EFCAB5: variants seen among roughly 807,000 people sequenced by gnomAD.
EFCAB5 encodes the protein EF-hand calcium binding domain 5.
EFCAB5 carries 131 observed loss-of-function variants against 167.9 expected under a neutral mutation model. The observed-to-expected ratio is 0.78, with a 90% CI of 0.68 to 0.90. The LOEUF (loss-of-function observed/expected upper bound fraction) is 0.90. Among genes scored for constraint, EFCAB5 ranks in the 40% least tolerant of loss-of-function variants. The pLI is 0.00. For synonymous variants in EFCAB5, 574 were observed against 602.8 expected (o/e 0.95, Z 0.70); for missense variants, 1,663 against 1,745.2 (o/e 0.95, Z 0.84).
At chr17:29,950,900 A>G (rs1314127329) in intron 3 of EFCAB5, among the ~76,000 whole-genome samples, 1 of 152,206 alleles carries the variant, frequency 6.6e-6, no homozygotes, top group African/African-American at 2.4e-5. Context: ...TACATTGTTC[A>G]AGGGTCAACT....
At chr17:29,966,158 G>C (rs2067822918) in intron 3 of EFCAB5, among the ~76,000 whole-genome samples, 1 of 152,134 alleles carries the variant, frequency 6.6e-6, no homozygotes, top group South Asian at 2.1e-4. Flanking sequence ...CATTACCACT[G>C]TCTAGTTCCA....
intron 2 of EFCAB5, among the ~76,000 whole-genome samples, chr17:29,942,800 G>A (rs2067319158): frequency 6.6e-6 from 1 of 152,118 alleles, no homozygotes; most frequent in South Asian, 2.1e-4. Context: ...CCAGCACTCT[G>A]GGAGACCGAG....
intron 1 of EFCAB5, among the ~76,000 whole-genome samples, chr17:29,933,003 C>T (rs377689550): frequency 2.0e-5 from 3 of 152,210 alleles, no homozygotes; most frequent in East Asian, 3.9e-4. Context: ...GGTGCATGTT[C>T]ATTAATTTAT....
chr17:29,933,194 G>A (rs1269126784), intron 1 of EFCAB5, among the ~76,000 whole-genome samples: 1 of 152,162 alleles, frequency 6.6e-6, no homozygotes, highest in Non-Finnish European at 1.5e-5. Context: ...TCGGCTAGGC[G>A]CGAAAGGAGG....
chr17:29,948,081 C>T (rs1023508717), intron 3 of EFCAB5, among the ~76,000 whole-genome samples: 3 of 152,208 alleles, frequency 2.0e-5, no homozygotes, highest in African/African-American at 7.2e-5. Context: ...CCACCTCGGC[C>T]TCCCAAAGTG....
intron 4 of EFCAB5, among the ~76,000 whole-genome samples, chr17:29,982,311 C>A (rs62070295): frequency 1.3e-5 from 2 of 152,026 alleles, no homozygotes; most frequent in African/African-American, 2.4e-5. Flanking sequence ...GCAGAAGAAT[C>A]GCTTGAACCT....
chr17:30,015,646 C>T (rs188773300), intron 7 of EFCAB5, among the ~76,000 whole-genome samples: 1 of 152,218 alleles, frequency 6.6e-6, no homozygotes, highest in East Asian at 1.9e-4. Context: ...TTATTATAGC[C>T]ATCTTTATGG....
At chr17:30,088,307 G>A (rs2071128767) in intron 19 of EFCAB5, among the ~76,000 whole-genome samples, 1 of 151,840 alleles carries the variant, frequency 6.6e-6, no homozygotes, top group Non-Finnish European at 1.5e-5. Context: ...TTTTTTAAGA[G>A]ACAGGGTCTC....
chr17:30,087,990 T>C (rs146459371), intron 19 of EFCAB5, among the ~76,000 whole-genome samples: 42 of 152,368 alleles, frequency 2.8e-4, no homozygotes, highest in African/African-American at 9.6e-4. Flanking sequence ...TTCTGACTGG[T>C]ATGAGATGAT....
chr17:29,963,086 C>T (rs2067753845), intron 3 of EFCAB5, among the ~76,000 whole-genome samples: 1 of 152,032 alleles, frequency 6.6e-6, no homozygotes, highest in African/African-American at 2.4e-5. Flanking sequence ...GGACTATAGG[C>T]ATGTGCTACC....
intron 13 of EFCAB5, among the ~76,000 whole-genome samples, chr17:30,058,623 G>A (rs1396660293): frequency 6.6e-6 from 1 of 151,962 alleles, no homozygotes; most frequent in African/African-American, 2.4e-5. Flanking sequence ...GTCAAATATA[G>A]TCAATCTTAA....
chr17:30,014,857 A>G (rs1320869462), intron 7 of EFCAB5, among the ~76,000 whole-genome samples: 1 of 152,136 alleles, frequency 6.6e-6, no homozygotes, highest in African/African-American at 2.4e-5. Context: ...TTAGCTGGTT[A>G]TGTTGCCTGT....
rs764178449 is a variant in EFCAB5, at chr17:30,107,867, A to C, written c.4355A>C (p.Asn1452Thr). 1 of 1,580,590 alleles carries C rather than the reference A, an allele frequency of 6.3e-7. No homozygotes were observed. Among genetic ancestry groups the C allele is most frequent in the South Asian group, 1.2e-5 (1 of 84,110 alleles). ...HSRTEVWKFG[N>T]VVIEHLYHWI... Reference sequence around the variant, plus strand: ...CGAACTGAAGTATGGAAATTTGGTAATGTTGTCATTGAACATCTATACCAC... The same window carrying C: ...CGAACTGAAGTATGGAAATTTGGTACTGTTGTCATTGAACATCTATACCAC... The change falls in exon 23 of 23, where the codon AAT becomes ACT. Residue 1452 changes from asparagine (N) to threonine (T), a missense_variant. Asn to Thr is a moderately conservative substitution (Grantham distance 65, BLOSUM62 0). Transcript: ENST00000394835.
At chr17:30,098,845 T>C (rs2071341678) in intron 22 of EFCAB5, among the ~76,000 whole-genome samples, 1 of 152,174 alleles carries the variant, frequency 6.6e-6, no homozygotes, top group Non-Finnish European at 1.5e-5. Flanking sequence ...GAGCCACTAA[T>C]CTACTTTATG....
chr17:30,092,059 G>A lies in EFCAB5; in HGVS notation c.4126G>A (p.Val1376Met), dbSNP rs113144600. ...CAAATCTATGGAGTTGGAAGCCAAC[G>A]TGAAACTAGTGCGTGACATCCTGAA... The part of the protein sequence containing the change: ...DSKSMELEAN[V>M]KLVRDILKAV... Residue 1376 changes from valine to methionine, a missense_variant, in exon 21 of 23, where the codon GTG becomes ATG. Transcript: ENST00000394835. 126 of 1,613,924 alleles carry A rather than the reference G, an allele frequency of 7.8e-5. 2 individuals carry two copies. In the East Asian group the frequency reaches 1.1e-3, roughly 15 times the overall value.
At chr17:30,056,502 T>C (rs1217635450) in intron 12 of EFCAB5, among the ~76,000 whole-genome samples, 1 of 152,118 alleles carries the variant, frequency 6.6e-6, no homozygotes, top group Non-Finnish European at 1.5e-5. Flanking sequence ...TCAATAGAAA[T>C]CATTTCAGCT....
chr17:30,008,312 G>T (rs1053770164), intron 7 of EFCAB5, among the ~76,000 whole-genome samples: 44 of 152,136 alleles, frequency 2.9e-4, no homozygotes, highest in African/African-American at 8.4e-4. Flanking sequence ...ATATTTTAAG[G>T]CTGGGTGAGG....
At chr17:30,066,974 C>T (rs954821098) in intron 14 of EFCAB5, among the ~76,000 whole-genome samples, 4 of 152,076 alleles carry the variant, frequency 2.6e-5, no homozygotes, top group African/African-American at 9.7e-5. Context: ...AAATAGAAAA[C>T]CTGAACAGAC....
Position 30,091,992 on chromosome 17 carries a change from T to A in EFCAB5, c.4059T>A (p.Tyr1353Ter), listed in dbSNP as rs766986543. The A allele has an allele frequency of 3.1e-6, 5 of 1,614,010 alleles. No homozygotes were observed. The highest frequency in any genetic ancestry group is 4.2e-6 in the Non-Finnish European group (5 of 1,179,882). ...TGGAATTTGTGTCACTGTTGCTCTA[T>A]GACCATACTCTTGTAACAGAGCCAA... ...NSMEFVSLLL[Y>*]DHTLVTEPNS... The change falls in exon 21 of 23, where the codon TAT becomes TAA. Residue 1353 changes from tyrosine (Y) to a stop codon, truncating the protein, a stop_gained. Transcript: ENST00000394835. LOFTEE classifies it high-confidence loss of function.
Sources: allele counts gnomAD v4.1 joint callset (sites outside exome capture counted in the v4.1 genomes callset), GRCh38; gene constraint gnomAD v4.1.1; transcripts MANE v1.5; gene names NCBI Gene and HGNC (gene_info 2026-07-23, HGNC 2026-07-21).